The following FOCAD variants were observed in gnomAD, a reference collection of about 807,000 sequenced individuals.
The protein encoded by FOCAD is focadhesin.
In FOCAD, 198 loss-of-function variants were observed where a neutral mutation model predicts 225.6. The ratio of observed to expected loss-of-function variants is 0.88; its 90% CI spans 0.78 to 0.99. The LOEUF (loss-of-function observed/expected upper bound fraction) is 0.99. Among genes scored for constraint, FOCAD ranks in the 50% least tolerant of loss-of-function variants. FOCAD has a pLI of 0.00. For missense variants in FOCAD, 2,713 were observed against 2,123.6 expected (o/e 1.28, Z -5.46); for synonymous variants, 897 against 755.0 (o/e 1.19, Z -3.08).
intron 4 of FOCAD, among the ~76,000 whole-genome samples, chr9:20,722,120 C>T (rs948112287): frequency 3.3e-5 from 5 of 149,442 alleles, no homozygotes; most frequent in African/African-American, 9.9e-5. Flanking sequence ...GTAGCTCACT[C>T]AAGCCTCAAA....
intron 15 of FOCAD, among the ~76,000 whole-genome samples, chr9:20,832,726 G>T (rs1825631859): frequency 1.3e-5 from 2 of 151,790 alleles, no homozygotes; most frequent in African/African-American, 4.8e-5. Context: ...TCTGTGTCTG[G>T]CTTATTTCAC....
chr9:20,833,218 G>A (rs1337485924), intron 15 of FOCAD, among the ~76,000 whole-genome samples: 1 of 151,934 alleles, frequency 6.6e-6, no homozygotes, highest in East Asian at 1.9e-4. Context: ...ATATCTCATA[G>A]TGGTTTTAAT....
intron 1 of FOCAD, among the ~76,000 whole-genome samples, chr9:20,700,534 TAA>T (rs111933515): frequency 7.1e-5 from 10 of 140,866 alleles, no homozygotes; most frequent in East Asian, 4.1e-4. Context: ...TTCGCCTAGT[TAA>T]AAAAAAAAAA....
intron 14 of FOCAD, among the ~76,000 whole-genome samples, chr9:20,821,394 T>C (rs1824307164): frequency 6.6e-6 from 1 of 152,132 alleles, no homozygotes; most frequent in Non-Finnish European, 1.5e-5. Flanking sequence ...AACTACACAG[T>C]AGACTGTTGT....
intron 21 of FOCAD, among the ~76,000 whole-genome samples, chr9:20,893,144 G>T (rs961077782): frequency 1.3e-5 from 2 of 152,058 alleles, no homozygotes; most frequent in African/African-American, 4.8e-5. Flanking sequence ...TTCCATCTCA[G>T]TCTCTTGAGT....
intron 1 of FOCAD, among the ~76,000 whole-genome samples, chr9:20,696,469 A>G (rs1008363951): frequency 1.3e-5 from 2 of 152,170 alleles, no homozygotes; most frequent in Non-Finnish European, 2.9e-5. Context: ...GTCAATTGCT[A>G]TGGTTTGAAT....
In FOCAD at chr9:20,885,192, C is replaced by G. The variant is rs1161907698; in HGVS notation, c.2587C>G (p.Arg863Gly). ...GAACAGACTGATGGCCAGCAGAGGG[C>G]GAAGTTTCAAGCAGACTTCACTTGC... ...PLNRLMASRG[R>G]SFKQTSLALV... Residue 863 changes from arginine (R) to glycine (G), a missense_variant, in exon 21 of 44, where the codon CGA becomes GGA. By Grantham distance (125) the Arg-to-Gly change is moderately radical. Transcript: ENST00000338382. The G allele has an allele frequency of 4.5e-6, 7 of 1,538,502 alleles. No homozygotes were observed. The highest frequency in any genetic ancestry group is 4.4e-6 in the Non-Finnish European group (5 of 1,139,616).
chr9:20,958,149 G>T (rs1402649612), intron 35 of FOCAD, among the ~76,000 whole-genome samples: 1 of 152,094 alleles, frequency 6.6e-6, no homozygotes, highest in Non-Finnish European at 1.5e-5. Context: ...TTTTTATAGA[G>T]TTTTGTAAGA....
At position 20,699,750 on chromosome 9, in the gene FOCAD, AAAAAAAAAAAAAAAAAAAAAAAAAT is replaced by A. The variant is rs1481280482; in HGVS notation, c.-33+15459_-33+15483del. 7.7e-3 allele frequency among the ~76,000 whole-genome samples: 388 copies of A among 50,502 alleles called. 1 individual carries two copies. The highest frequency in any genetic ancestry group is 0.011 in the Middle Eastern group (1 of 88). The allele number at this position is 50,502 out of a possible 152,430, so 33.1% of individuals were successfully genotyped here. A position where few individuals can be genotyped will look rare whatever the true frequency, so the allele number is the denominator to read the frequency against. On this transcript the variant is annotated intron_variant, in intron 1 of 43. Coordinates refer to ENST00000338382, the MANE Select transcript of FOCAD (RefSeq NM_001375567.1). ...AAGACTCCGTCTCAAAAAAAAAAAA[AAAAAAAAAAAAAAAAAAAAAAAAAT>A]ATATATATATATATATATATATATA...
chr9:20,874,318 G>C (rs1373168522), intron 18 of FOCAD: 1 of 172,108 alleles, frequency 5.8e-6, no homozygotes, highest in Non-Finnish European at 1.2e-5. Context: ...ATCTAACTAT[G>C]AGCTATAGAA....
chr9:20,695,280 A>C (rs140347803), intron 1 of FOCAD, among the ~76,000 whole-genome samples: 1 of 152,126 alleles, frequency 6.6e-6, no homozygotes, highest in Non-Finnish European at 1.5e-5. Flanking sequence ...TGGTATTCTT[A>C]CTTTTAGTGA....
intron 1 of FOCAD, among the ~76,000 whole-genome samples, chr9:20,704,493 T>A (rs1046757149): frequency 6.6e-6 from 1 of 152,210 alleles, no homozygotes; most frequent in Non-Finnish European, 1.5e-5. Context: ...TCTATATAGT[T>A]CTTTTCCAGA....
At chr9:20,935,185 A>G (rs983321947) in intron 28 of FOCAD, among the ~76,000 whole-genome samples, 2 of 152,228 alleles carry the variant, frequency 1.3e-5, no homozygotes, top group Non-Finnish European at 2.9e-5. Context: ...GAGAGTTTTC[A>G]GTAATAATTA....
intron 21 of FOCAD, among the ~76,000 whole-genome samples, chr9:20,900,942 T>C (rs1192987946): frequency 2.0e-5 from 3 of 151,528 alleles, no homozygotes; most frequent in Admixed American, 1.3e-4. Context: ...GGGGAGAGAA[T>C]GTTAAATTTC....
At chr9:20,976,398 T>A (rs766096622) in intron 35 of FOCAD, 22 bp from the exon 36 acceptor site, 1 of 1,609,312 alleles carries the variant, frequency 6.2e-7, no homozygotes, top group Non-Finnish European at 8.5e-7. Flanking sequence ...GTTTTACTAT[T>A]ATTTTTCACT....
upstream of FOCAD, among the ~76,000 whole-genome samples, chr9:20,682,972 G>A (rs369094746): frequency 2.7e-4 from 41 of 152,182 alleles, 1 homozygote; most frequent in African/African-American, 7.0e-4. Context: ...GTAGAGATGG[G>A]GTTTCACCAC....
Position 20,696,345 on chromosome 9 carries a change from C to T in FOCAD, c.-33+12052C>T, listed in dbSNP as rs7848320. ...AGTGTTCTCACCATACAGACACACA[C>T]ACACACAATGGTAACAAGATGAGGT... On this transcript the variant is annotated intron_variant, in intron 1 of 43. Coordinates refer to ENST00000338382, the MANE Select transcript of FOCAD (RefSeq NM_001375567.1). Among the ~76,000 whole-genome samples, 335 of 152,312 alleles carry T rather than the reference C, an allele frequency of 2.2e-3. 1 individual carries two copies. Among genetic ancestry groups the T allele is most frequent in the African/African-American group, 7.6e-3 (316 of 41,570 alleles).
chr9:20,923,687 G>T lies in FOCAD; in HGVS notation c.2880G>T (p.Ala960=). The part of the protein sequence containing the change: ...AKESPVVKGN[A]LLALSSLAVV... Reference sequence around the variant, plus strand: ...AGAGTCCGGTAGTGAAAGGCAATGCGCTGTTAGCTCTAAGCAGCCTTGCTG... The same window carrying T: ...AGAGTCCGGTAGTGAAAGGCAATGCTCTGTTAGCTCTAAGCAGCCTTGCTG... The change falls in exon 25 of 44, where the codon GCG becomes GCT. Residue 960 remains alanine, a synonymous_variant. Coordinates refer to ENST00000338382, the MANE Select transcript of FOCAD (RefSeq NM_001375567.1). 1.9e-6 allele frequency: 3 copies of T among 1,613,798 alleles called. No individual in the cohort carries two copies. Among genetic ancestry groups the T allele is most frequent in the East Asian group, 2.2e-5 (1 of 44,886 alleles).
chr9:20,836,786 C>G (rs767884267), intron 15 of FOCAD, among the ~76,000 whole-genome samples: 1 of 151,482 alleles, frequency 6.6e-6, no homozygotes, highest in Non-Finnish European at 1.5e-5. Context: ...AATAGAATAC[C>G]ATTCAGTACA....
Sources: allele counts gnomAD v4.1 joint callset (sites outside exome capture counted in the v4.1 genomes callset), GRCh38; gene constraint gnomAD v4.1.1; transcripts MANE v1.5; gene names NCBI Gene and HGNC (gene_info 2026-07-23, HGNC 2026-07-21).